The following SLC25A21 variants were observed in gnomAD, a reference collection of about 807,000 sequenced individuals.
The protein encoded by SLC25A21 is solute carrier family 25 member 21, also known as mitochondrial 2-oxodicarboxylate carrier.
Under a neutral mutation model 43.8 loss-of-function variants are expected in SLC25A21, and 47 were observed. The ratio of observed to expected loss-of-function variants is 1.07; its 90% CI spans 0.85 to 1.37. The LOEUF is 1.37. Among genes scored for constraint, SLC25A21 ranks in the 40% most tolerant of loss-of-function variants. SLC25A21 has a pLI of 0.00. For missense variants in SLC25A21, 352 were observed against 350.2 expected (o/e 1.00, Z -0.04); for synonymous variants, 131 against 121.3 (o/e 1.08, Z -0.52).
At chr14:37,032,296 G>A (rs1040261421) in intron 1 of SLC25A21, among the ~76,000 whole-genome samples, 13 of 152,122 alleles carry the variant, frequency 8.5e-5, no homozygotes, top group African/African-American at 2.9e-4. Context: ...AGCACTTTGG[G>A]AGGCTGAGGC....
At chr14:36,920,640 A>G (rs947273980) in intron 1 of SLC25A21, among the ~76,000 whole-genome samples, 1 of 152,084 alleles carries the variant, frequency 6.6e-6, no homozygotes, top group African/African-American at 2.4e-5. Flanking sequence ...CTGAATGAAC[A>G]TTTTTATTAT....
chr14:36,936,970 G>C (rs1053888030), intron 1 of SLC25A21, among the ~76,000 whole-genome samples: 1 of 152,154 alleles, frequency 6.6e-6, no homozygotes, highest in African/African-American at 2.4e-5. Context: ...GTCATGGCTA[G>C]GGTCTCTTTC....
At chr14:36,871,690 T>A (rs1423093145) in intron 2 of SLC25A21, among the ~76,000 whole-genome samples, 1 of 152,196 alleles carries the variant, frequency 6.6e-6, no homozygotes, top group Non-Finnish European at 1.5e-5. Context: ...TTTTAGCAGG[T>A]CACTTTTTAA....
chr14:37,003,946 C>A (rs1001426443), intron 1 of SLC25A21, among the ~76,000 whole-genome samples: 4 of 152,098 alleles, frequency 2.6e-5, no homozygotes, highest in Admixed American at 2.6e-4. Flanking sequence ...CTGCCTAACA[C>A]CCAAGGCATG....
chr14:37,005,630 C>A (rs1051971243), intron 1 of SLC25A21, among the ~76,000 whole-genome samples: 2 of 152,100 alleles, frequency 1.3e-5, no homozygotes, highest in African/African-American at 4.8e-5. Context: ...TTATGTACAT[C>A]TTGCAATTTA....
intron 1 of SLC25A21, among the ~76,000 whole-genome samples, chr14:36,879,361 G>A (rs1218247763): frequency 1.3e-5 from 2 of 152,096 alleles, no homozygotes; most frequent in Non-Finnish European, 2.9e-5. Context: ...ATTACTATTA[G>A]ATTTGTTTAA....
intron 7 of SLC25A21, among the ~76,000 whole-genome samples, chr14:36,698,003 T>C (rs1313411485): frequency 6.6e-6 from 1 of 152,250 alleles, no homozygotes; most frequent in Non-Finnish European, 1.5e-5. Context: ...AGTTTCTTCA[T>C]AGCATCAATG....
intron 1 of SLC25A21, among the ~76,000 whole-genome samples, chr14:37,017,660 T>C (rs1219170202): frequency 6.6e-6 from 1 of 152,040 alleles, no homozygotes. Flanking sequence ...AGTGCAATAA[T>C]AAAATGAAGT....
At chr14:36,856,053 G>T (rs150794410) in intron 2 of SLC25A21, among the ~76,000 whole-genome samples, 1 of 152,084 alleles carries the variant, frequency 6.6e-6, no homozygotes, top group Non-Finnish European at 1.5e-5. Flanking sequence ...CAATAGAGTC[G>T]AGGTTGAGAA....
chr14:37,032,969 T>C (rs541960316), intron 1 of SLC25A21, among the ~76,000 whole-genome samples: 4 of 152,260 alleles, frequency 2.6e-5, no homozygotes, highest in Admixed American at 1.3e-4. Flanking sequence ...TTTAAAAAAA[T>C]TGTTATTAAA....
chr14:36,853,624 G>A (rs1889810189), intron 2 of SLC25A21, among the ~76,000 whole-genome samples: 1 of 152,104 alleles, frequency 6.6e-6, no homozygotes, highest in Non-Finnish European at 1.5e-5. Flanking sequence ...ATTTGGACAT[G>A]TAAACATGCG....
At chr14:36,744,537 T>C (rs1885412807) in intron 3 of SLC25A21, among the ~76,000 whole-genome samples, 1 of 131,188 alleles carries the variant, frequency 7.6e-6, no homozygotes, top group Non-Finnish European at 1.6e-5. Flanking sequence ...AAAAATCAAC[T>C]CAAAATGGAT....
chr14:36,735,764 A>C (rs1885004235), intron 3 of SLC25A21, among the ~76,000 whole-genome samples: 1 of 151,374 alleles, frequency 6.6e-6, no homozygotes, highest in Non-Finnish European at 1.5e-5. Flanking sequence ...ACTGGCTTAC[A>C]TAGAAACTTG....
chr14:37,121,404 G>A (rs1001415508), intron 1 of SLC25A21, among the ~76,000 whole-genome samples: 1 of 152,174 alleles, frequency 6.6e-6, no homozygotes. Context: ...TGCGGATAGG[G>A]GAGGGAAATG....
intron 6 of SLC25A21, among the ~76,000 whole-genome samples, chr14:36,724,765 A>G (rs781435099): frequency 6.6e-6 from 1 of 152,218 alleles, no homozygotes; most frequent in Non-Finnish European, 1.5e-5. Flanking sequence ...TTCAGATTCA[A>G]CCAAAAGACA....
chr14:36,891,899 G>A (rs570593439), intron 1 of SLC25A21, among the ~76,000 whole-genome samples: 86 of 152,248 alleles, frequency 5.6e-4, no homozygotes, highest in African/African-American at 2.0e-3. Context: ...GTCACATAGC[G>A]ACCATGAAGA....
intron 3 of SLC25A21, chr14:36,809,108 GT>G (rs1167192249): frequency 6.6e-6 from 1 of 152,194 alleles, no homozygotes; most frequent in African/African-American, 2.4e-5. Flanking sequence ...ATCTGCCACT[GT>G]TTGCCAGGTG....
intron 1 of SLC25A21, among the ~76,000 whole-genome samples, chr14:37,040,373 G>GAGAAAGAAAGAA (rs767966979): frequency 0.041 from 851 of 20,918 alleles, 65 homozygotes; most frequent in East Asian, 0.066. Flanking sequence ...GAGAGAGAGA[G>GAGAAAGAAAGAA]AGAAAGAAAG....
At chr14:37,005,342 T>C (rs17105913) in intron 1 of SLC25A21, among the ~76,000 whole-genome samples, 4,462 of 152,262 alleles carry the variant, frequency 0.029, 104 homozygotes, top group East Asian at 0.091. Context: ...AACCTCCTCC[T>C]GTTTTTGGTT....
Sources: allele counts gnomAD v4.1 joint callset (sites outside exome capture counted in the v4.1 genomes callset), GRCh38; gene constraint gnomAD v4.1.1; transcripts MANE v1.5; gene names NCBI Gene and HGNC (gene_info 2026-07-23, HGNC 2026-07-21).